OBSL1: variants seen among roughly 807,000 people sequenced by gnomAD.
OBSL1 encodes obscurin-like protein 1.
In OBSL1, 160 loss-of-function variants were observed where a neutral mutation model predicts 172.0. The ratio of observed to expected loss-of-function variants is 0.93; its 90% CI spans 0.82 to 1.06. OBSL1 has a LOEUF of 1.06. Ranked by LOEUF, OBSL1 falls within the 50% of genes least tolerant of loss-of-function variation. The pLI is 0.00. For synonymous variants in OBSL1, 1,200 were observed against 1,196.3 expected, an observed-to-expected ratio of 1.00 and a Z score of -0.06; for missense variants, 2,681 against 2,715.4, an observed-to-expected ratio of 0.99 and a Z score of 0.28.
At chr2:219,547,415 C>T (rs1485550285), downstream of OBSL1, 6 of 1,066,084 alleles carry the variant, frequency 5.6e-6, no homozygotes, top group Non-Finnish European at 7.6e-6. Flanking sequence ...CTCTGGTTCC[C>T]CTGGGATCCC....
chr2:219,565,788 C>T (rs1222367429), intron 5 of OBSL1, among the ~76,000 whole-genome samples: 1 of 152,178 alleles, frequency 6.6e-6, no homozygotes. Context: ...GAACTGGGAT[C>T]CCATTTTGGA....
chr2:219,571,172 C>G lies in OBSL1; in HGVS notation c.61G>C (p.Val21Leu). Residue 21 changes from valine (V) to leucine (L), a missense_variant, in exon 1 of 21, where the codon GTG (valine) becomes CTG (leucine). Physicochemically the swap from Val to Leu is conservative, Grantham distance 32. This residue lies in a region of OBSL1 where 90 missense variants were observed against 76.6 expected (regional missense o/e 1.18). Coordinates refer to ENST00000404537, the MANE Select transcript of OBSL1 (RefSeq NM_015311.3). ...PPCFLRFPRPVRVVSGAEAEL... is the reference protein window; with the variant it reads ...PPCFLRFPRPLRVVSGAEAEL... ...GCCTCGGCGCCACTTACCACCCGCA[C>G]AGGCCGCGGGAAGCGCAGGAAGCAC... 6.7e-7 allele frequency: 1 copy of G among 1,481,694 alleles called. No individual in the cohort carries two copies. Among genetic ancestry groups the G allele is most frequent in the Admixed American group, 2.1e-5 (1 of 47,130 alleles). The allele number at this position is 1,481,694 out of a possible 1,614,324, so 91.8% of individuals were successfully genotyped here.
Position 219,556,731 on chromosome 2 carries a change from G to A in OBSL1, c.4067-8C>T. On this transcript the variant is annotated splice_polypyrimidine_tract_variant and splice_region_variant and intron_variant, in intron 12 of 20. Coordinates refer to ENST00000404537, the MANE Select transcript of OBSL1 (RefSeq NM_015311.3). ...GCTTCACCAGCAGTGGCTCTAAGGG[G>A]CACGGTAAGGCAGTGAGCTGGGCTG... 2 of 1,590,480 alleles carry A rather than the reference G, an allele frequency of 1.3e-6. No individual in the cohort carries two copies. Among genetic ancestry groups the A allele is most frequent in the Non-Finnish European group, 1.7e-6 (2 of 1,163,326 alleles).
At chr2:219,549,304 C>T (rs749142074), downstream of OBSL1, 23 of 1,613,768 alleles carry the variant, frequency 1.4e-5, no homozygotes, top group Non-Finnish European at 1.8e-5. Flanking sequence ...CCCTGCTTAT[C>T]GGCGCAGGCC....
chr2:219,566,735 G>C, intron 5 of OBSL1, 95 bp downstream of exon 5: 2 of 1,375,110 alleles, frequency 1.5e-6, no homozygotes, highest in Non-Finnish European at 2.0e-6. Flanking sequence ...TCCTGGCCCA[G>C]ATACAAGAAA....
intron 11 of OBSL1, 70 bp from the exon 12 acceptor site, chr2:219,557,688 T>A: frequency 6.6e-7 from 1 of 1,507,614 alleles, no homozygotes; most frequent in Non-Finnish European, 8.8e-7. Context: ...CGGGGAGGCA[T>A]GACGGGGAAG....
Position 219,568,894 on chromosome 2 carries a change from G to C in OBSL1, c.1013-570C>G, listed in dbSNP as rs1436305256. Among the ~76,000 whole-genome samples, 1 of 151,798 alleles carries C rather than the reference G, an allele frequency of 6.6e-6. No individual in the cohort carries two copies. The highest frequency in any genetic ancestry group is 1.5e-5 in the Non-Finnish European group (1 of 67,940). The stretch of plus-strand genomic sequence containing the variant: ...CAAGTAGAGCTGGGATTACAGGCAG[G>C]CGCCACCACGCCTGGCTAATGATTT... On this transcript the variant is annotated intron_variant, in intron 1 of 20. Coordinates refer to ENST00000404537, the MANE Select transcript of OBSL1 (RefSeq NM_015311.3). The surrounding 1 kb of genome is among the most constrained non-coding windows in gnomAD (Gnocchi z 4.1).
Position 219,562,532 on chromosome 2 carries a change from G to A in OBSL1, c.2823C>T (p.Ser941=), listed in dbSNP as rs61732790. 2.3e-3 allele frequency: 3,755 copies of A among 1,613,922 alleles called. 87 individuals are homozygous for A. In the African/African-American group the frequency reaches 0.044, roughly 19 times the overall value. Residue 941 remains serine, a synonymous_variant, in exon 8 of 21, where the codon AGC becomes AGT. Coordinates refer to ENST00000404537, the MANE Select transcript of OBSL1 (RefSeq NM_015311.3). ...CTTCCTTCTGCAGGAGCAGCGCGGG[G>A]CTCTCCACCACCTCCTCTCCATCCT... is the stretch of plus-strand genomic sequence containing the variant. ...WTKDGEEVVE[S]PALLLQKEDT... is the part of the protein sequence containing the mutation.
chr2:219,547,501 T>C (rs758889560), downstream of OBSL1: 6 of 1,419,826 alleles, frequency 4.2e-6, no homozygotes, highest in East Asian at 1.5e-4. Context: ...CCTGTTCCCC[T>C]CCAGGTTACC....
Position 219,567,895 on chromosome 2 carries a change from G to C in OBSL1, c.1357C>G (p.Leu453Val), listed in dbSNP as rs1314762267. The change falls in exon 3 of 21, where the codon CTA (leucine) becomes GTA (valine). Residue 453 changes from leucine (L) to valine (V), a missense_variant. Coordinates refer to ENST00000404537, the MANE Select transcript of OBSL1 (RefSeq NM_015311.3). ...GENAVLLVET[L>V]EAGVEGRWSR... Reference sequence around the variant, plus strand: ...CAGCGTCCCTCGACCCCGGCCTCTAGAGTTTCCACTAGCAGCACAGCATTC... The same window carrying C: ...CAGCGTCCCTCGACCCCGGCCTCTACAGTTTCCACTAGCAGCACAGCATTC... The C allele has an allele frequency of 3.7e-6, 6 of 1,613,760 alleles. No homozygotes were observed. The highest frequency in any genetic ancestry group is 3.3e-5 in the Admixed American group (2 of 60,006).
In OBSL1 at chr2:219,552,231, G is replaced by T. The variant is rs1286773642; in HGVS notation, c.5309-15C>A. On this transcript the variant is annotated splice_polypyrimidine_tract_variant and intron_variant, in intron 18 of 20. Transcript: ENST00000404537. ...GTGTTTCTTCCCTGGGGGTGAGGGGGTCGCTAGCGAGGCCGGAGCCACCTC... is the reference window on the plus strand; with the variant it reads ...GTGTTTCTTCCCTGGGGGTGAGGGGTTCGCTAGCGAGGCCGGAGCCACCTC... The T allele has an allele frequency of 1.1e-5, 18 of 1,580,890 alleles. No individual in the cohort carries two copies. The highest frequency in any genetic ancestry group is 3.4e-4 in the Middle Eastern group (2 of 5,946).
In OBSL1 at chr2:219,551,722, C is replaced by A; in HGVS notation, c.5490G>T (p.Val1830=). The change falls in exon 20 of 21, where the codon GTG becomes GTT. Residue 1830 remains valine, a synonymous_variant. Transcript: ENST00000404537. ...CGTGGCCCCCCGAGCGGGACACAGT[C>A]ACCTCCAGCACCGCCCGGCGGCCCA... ...VLVGRRAVLE[V]TVSRSGGHVC... is the part of the protein sequence containing the mutation. 1 of 1,603,948 alleles carries A rather than the reference C, an allele frequency of 6.2e-7. No homozygotes were observed. The highest frequency in any genetic ancestry group is 8.5e-7 in the Non-Finnish European group (1 of 1,174,040).
At chr2:219,552,498 G>T in intron 18 of OBSL1, 38 bp downstream of exon 18, 1 of 1,564,852 alleles carries the variant, frequency 6.4e-7, no homozygotes. Context: ...CCTGGGCGGG[G>T]CAGCGAGGGG....
Position 219,552,635 on chromosome 2 carries a change from T to G in OBSL1, c.5209A>C (p.Thr1737Pro), listed in dbSNP as rs772539285. Reference protein sequence around the residue: ...SVSAREGDGATFECTVSEVET... With the variant: ...SVSAREGDGAPFECTVSEVET... ...ACCTCCGACACGGTGCACTCGAACG[T>G]AGCGCCGTCGCCTTCGCGGGCGCTC... Residue 1737 changes from threonine (T) to proline (P), a missense_variant, in exon 18 of 21, where the codon ACG becomes CCG. Coordinates refer to ENST00000404537, the MANE Select transcript of OBSL1 (RefSeq NM_015311.3). 6.4e-7 allele frequency: 1 copy of G among 1,558,438 alleles called. No homozygotes were observed. The highest frequency in any genetic ancestry group is 1.2e-5 in the South Asian group (1 of 86,084).
chr2:219,550,652 G>A (rs546233475), downstream of OBSL1: 7 of 720,780 alleles, frequency 9.7e-6, no homozygotes, highest in South Asian at 5.8e-5. Flanking sequence ...TACAGCCCTC[G>A]GTCCCCAGTG....
chr2:219,561,061 G>C (rs529661270), intron 8 of OBSL1, among the ~76,000 whole-genome samples: 4 of 152,292 alleles, frequency 2.6e-5, no homozygotes, highest in African/African-American at 9.6e-5. Flanking sequence ...GGTGGGAGAG[G>C]GTGAAGATGA....
At chr2:219,569,075 C>CA (rs34533377) in intron 1 of OBSL1, 108,832 of 142,122 alleles carry the variant, frequency 0.77, 43,550 homozygotes, top group Non-Finnish European at 0.89. Flanking sequence ...AAGTGTATTT[C>CA]AAAAAAAAAA....
chr2:219,570,939 G>T lies in OBSL1; in HGVS notation c.294C>A (p.Ala98=), dbSNP rs1203157036. 2.3e-6 allele frequency: 3 copies of T among 1,277,140 alleles called. No individual in the cohort carries two copies. The highest frequency in any genetic ancestry group is 2.9e-6 in the Non-Finnish European group (3 of 1,019,932). 79.1% of individuals were successfully genotyped at this position (1,277,140 alleles called of 1,614,324 possible). Residue 98 remains alanine (A), a synonymous_variant, in exon 1 of 21, where the codon GCC becomes GCA. Coordinates refer to ENST00000404537, the MANE Select transcript of OBSL1 (RefSeq NM_015311.3). ...AGGCCGGCGGCTCCAGCACGGTGAC[G>T]GCGGCCGCCGCGTAGGCCTCGCCGG... ...NAAGEAYAAA[A]VTVLEPPASD...
At chr2:219,565,889 C>T (rs979459123) in intron 5 of OBSL1, among the ~76,000 whole-genome samples, 1 of 152,174 alleles carries the variant, frequency 6.6e-6, no homozygotes, top group African/African-American at 2.4e-5. Flanking sequence ...GCATGGGTGC[C>T]GACAGATTCC....
Sources: gnomAD v4.1 joint callset for allele counts (sites outside exome capture counted in the v4.1 genomes callset) on GRCh38, gnomAD v4.1.1 for gene constraint, gnomAD v4.1.1 regional missense constraint, Gnocchi (gnomAD v3.1) non-coding constraint, MANE v1.5 for transcripts, NCBI Gene and HGNC (gene_info 2026-07-23, HGNC 2026-07-21) for gene names.